The following TRAPPC9 variants were observed in gnomAD, a reference collection of about 807,000 sequenced individuals.
TRAPPC9 encodes trafficking protein particle complex subunit 9, also known as IKK2 binding protein.
In TRAPPC9, 83 loss-of-function variants were observed where a neutral mutation model predicts 124.0. That is an observed-to-expected ratio of 0.67 (90% CI 0.56 to 0.80). The LOEUF (loss-of-function observed/expected upper bound fraction) is 0.80, where lower values mean the gene tolerates loss of function less well. Ranked by LOEUF, TRAPPC9 falls within the 30% of genes least tolerant of loss-of-function variation. The pLI is 0.00. For missense variants in TRAPPC9, 1,302 were observed against 1,508.3 expected, an observed-to-expected ratio of 0.86 and a Z score of 2.27; for synonymous variants, 638 against 617.5, an observed-to-expected ratio of 1.03 and a Z score of -0.49.
intron 17 of TRAPPC9, among the ~76,000 whole-genome samples, chr8:140,136,879 A>T (rs929900236): frequency 6.6e-6 from 1 of 152,156 alleles, no homozygotes; most frequent in Non-Finnish European, 1.5e-5. Flanking sequence ...CAGAGACATG[A>T]GCTGACCAAG....
intron 9 of TRAPPC9, among the ~76,000 whole-genome samples, chr8:140,346,662 G>A (rs960124816): frequency 7.9e-5 from 12 of 152,170 alleles, no homozygotes; most frequent in Admixed American, 7.9e-4. Context: ...AGAGGGAGGA[G>A]GAGAATTATT....
chr8:139,743,568 A>G lies in TRAPPC9; in HGVS notation c.3056-11366T>C, dbSNP rs562497091. Among the ~76,000 whole-genome samples the G allele has an allele frequency of 3.3e-5, 5 of 152,310 alleles. No individual in the cohort carries two copies. The East Asian group carries it at 5.8e-4, about 18-fold the overall frequency. On this transcript the variant is annotated intron_variant, in intron 21 of 22. Transcript: ENST00000438773. ...AATCTTGGGCGGTCCTAAATTTTAG[A>G]GCCAAATTTGATTCAGGTAAGGTTT...
intron 9 of TRAPPC9, among the ~76,000 whole-genome samples, chr8:140,330,873 C>T (rs1409237984): frequency 6.6e-6 from 1 of 151,908 alleles, no homozygotes; most frequent in East Asian, 1.9e-4. Flanking sequence ...ACCCAGACTG[C>T]CCCAAAATGA....
chr8:140,432,834 T>C (rs1030388092), intron 4 of TRAPPC9, among the ~76,000 whole-genome samples: 15 of 151,182 alleles, frequency 9.9e-5, no homozygotes, highest in Non-Finnish European at 2.2e-4. Flanking sequence ...ATCGCGCCAC[T>C]GCACTCCAGC....
At chr8:140,388,025 A>G (rs1299435940) in intron 7 of TRAPPC9, among the ~76,000 whole-genome samples, 2 of 152,034 alleles carry the variant, frequency 1.3e-5, no homozygotes, top group Non-Finnish European at 2.9e-5. Flanking sequence ...CATGTACACC[A>G]TGGAATACTA....
intron 17 of TRAPPC9, among the ~76,000 whole-genome samples, chr8:140,053,983 A>G (rs1012219921): frequency 2.6e-5 from 4 of 152,236 alleles, no homozygotes; most frequent in Non-Finnish European, 4.4e-5. Flanking sequence ...ATGGAATACT[A>G]TGCAGCCATA....
intron 17 of TRAPPC9, among the ~76,000 whole-genome samples, chr8:140,024,649 G>A (rs1424776219): frequency 1.3e-5 from 2 of 152,142 alleles, no homozygotes; most frequent in East Asian, 1.9e-4. Context: ...CACCCGCCTC[G>A]GCCTCCCAAG....
At chr8:140,294,627 G>C (rs1261572419) in intron 11 of TRAPPC9, among the ~76,000 whole-genome samples, 3 of 144,976 alleles carry the variant, frequency 2.1e-5, no homozygotes, top group Non-Finnish European at 4.5e-5. Flanking sequence ...TTCTTTTTTT[G>C]AGATGGAGTA....
At chr8:139,925,960 G>A (rs949370368) in intron 19 of TRAPPC9, among the ~76,000 whole-genome samples, 1 of 152,182 alleles carries the variant, frequency 6.6e-6, no homozygotes, top group African/African-American at 2.4e-5. Context: ...AGAGGCACAC[G>A]GGTGGGACAG....
At chr8:140,194,600 A>T (rs2062590427) in intron 17 of TRAPPC9, among the ~76,000 whole-genome samples, 1 of 152,122 alleles carries the variant, frequency 6.6e-6, no homozygotes, top group African/African-American at 2.4e-5. Context: ...CTCCTGAAAT[A>T]CACTAGGCAC....
Position 140,442,466 on chromosome 8 carries a change from G to T in TRAPPC9, c.585-3269C>A, listed in dbSNP as rs192476242. Among the ~76,000 whole-genome samples the T allele has an allele frequency of 4.5e-3, 677 of 151,896 alleles. 8 individuals are homozygous for T. The highest frequency in any genetic ancestry group is 0.015 in the African/African-American group (627 of 41,432). On this transcript the variant is annotated intron_variant, in intron 2 of 22. Coordinates refer to ENST00000438773, the MANE Select transcript of TRAPPC9 (RefSeq NM_001160372.4). ...TACAAAAAATTAGCCGGGCGTGGTG[G>T]CAGGCGCCGTAGTCCCAGCTACTCG...
intron 7 of TRAPPC9, among the ~76,000 whole-genome samples, chr8:140,388,328 G>A (rs769855960): frequency 4.0e-5 from 6 of 149,320 alleles, no homozygotes; most frequent in Admixed American, 1.3e-4. Flanking sequence ...GTATACATAC[G>A]TAACAAACCT....
intron 17 of TRAPPC9, among the ~76,000 whole-genome samples, chr8:140,069,793 G>C (rs930024139): frequency 1.3e-5 from 2 of 152,112 alleles, no homozygotes; most frequent in Admixed American, 1.3e-4. Context: ...GGAGCTGCAG[G>C]TCCGAAAGCC....
chr8:140,041,730 G>C (rs1461879013), intron 17 of TRAPPC9, among the ~76,000 whole-genome samples: 1 of 152,238 alleles, frequency 6.6e-6, no homozygotes, highest in Non-Finnish European at 1.5e-5. Context: ...CCAGCATTTT[G>C]GGAGGCCAAG....
At chr8:139,966,797 T>C (rs1333294385) in intron 19 of TRAPPC9, among the ~76,000 whole-genome samples, 3 of 152,162 alleles carry the variant, frequency 2.0e-5, no homozygotes, top group African/African-American at 7.2e-5. Context: ...CATCAATACA[T>C]ATCATGGCAG....
At chr8:139,896,409 A>G (rs986643227) in intron 20 of TRAPPC9, among the ~76,000 whole-genome samples, 1 of 152,234 alleles carries the variant, frequency 6.6e-6, no homozygotes, top group Non-Finnish European at 1.5e-5. Context: ...GCCCTGGGTA[A>G]GTGCTCAACA....
At chr8:140,015,920 G>A (rs564464204) in intron 18 of TRAPPC9, among the ~76,000 whole-genome samples, 8 of 152,168 alleles carry the variant, frequency 5.3e-5, no homozygotes, top group African/African-American at 1.2e-4. Context: ...GCTGCCCACC[G>A]TGGGGCAAGG....
At chr8:140,168,886 T>A (rs2061904615) in intron 17 of TRAPPC9, among the ~76,000 whole-genome samples, 1 of 152,372 alleles carries the variant, frequency 6.6e-6, no homozygotes, top group African/African-American at 2.4e-5. Context: ...GAGGGTAAGT[T>A]CTATGGGGAG....
chr8:139,989,268 T>G (rs1837469525), intron 18 of TRAPPC9, among the ~76,000 whole-genome samples: 1 of 152,130 alleles, frequency 6.6e-6, no homozygotes, highest in Non-Finnish European at 1.5e-5. Context: ...GCTACCAGGT[T>G]CCACGCTGGG....
Sources: gnomAD v4.1 joint callset for allele counts (sites outside exome capture counted in the v4.1 genomes callset) on GRCh38, gnomAD v4.1.1 for gene constraint, MANE v1.5 for transcripts, NCBI Gene and HGNC (gene_info 2026-07-23, HGNC 2026-07-21) for gene names.